The following CNTLN variants were observed in gnomAD, a reference collection of about 807,000 sequenced individuals.
CNTLN encodes the protein centlein, also known as centlein, centrosomal protein.
Under a neutral mutation model 180.0 loss-of-function variants are expected in CNTLN, and 212 were observed. That is an observed-to-expected ratio of 1.18 (90% confidence interval 1.05 to 1.32). The LOEUF (loss-of-function observed/expected upper bound fraction) is 1.32, where lower values mean the gene tolerates loss of function less well. Ranked by LOEUF, CNTLN falls within the 40% of genes most tolerant of loss-of-function variation. The pLI, the probability that CNTLN is intolerant of heterozygous loss-of-function variation, is 0.00. For synonymous variants in CNTLN, 722 were observed against 563.1 expected (o/e 1.28, Z -3.99); for missense variants, 2,095 against 1,610.9 (o/e 1.30, Z -5.14).
the CNTLN span, among the ~76,000 whole-genome samples, chr9:17,525,442 A>G: frequency 3.3e-5 from 5 of 152,310 alleles, no homozygotes; most frequent in African/African-American, 1.2e-4. Flanking sequence ...GAATATTGGC[A>G]TGATTCAGAG....
chr9:17,212,553 G>A (rs1823401719), intron 2 of CNTLN, among the ~76,000 whole-genome samples: 1 of 152,176 alleles, frequency 6.6e-6, no homozygotes, highest in Non-Finnish European at 1.5e-5. Context: ...TTGGTATCAG[G>A]ATGATGCTGG....
At chr9:17,160,915 T>C (rs1034628939) in intron 2 of CNTLN, among the ~76,000 whole-genome samples, 6 of 152,144 alleles carry the variant, frequency 3.9e-5, no homozygotes, top group African/African-American at 1.4e-4. Flanking sequence ...GAATGTCATT[T>C]GATTGTCAGA....
chr9:17,325,557 A>ACG (rs1491490213), intron 8 of CNTLN, among the ~76,000 whole-genome samples: 1 of 11,024 alleles, frequency 9.1e-5, no homozygotes. Flanking sequence ...AGATTTTATT[A>ACG]CACACACACA....
chr9:17,324,459 C>G (rs892803009), intron 8 of CNTLN, among the ~76,000 whole-genome samples: 14 of 152,108 alleles, frequency 9.2e-5, no homozygotes, highest in African/African-American at 3.4e-4. Flanking sequence ...TTAGTTTACT[C>G]TTAGGATTGG....
intron 6 of CNTLN, among the ~76,000 whole-genome samples, chr9:17,290,010 G>A (rs1276132124): frequency 3.9e-5 from 6 of 152,070 alleles, no homozygotes; most frequent in Non-Finnish European, 8.8e-5. Flanking sequence ...CTCTCAGCTC[G>A]TCAGAATCAT....
In CNTLN at chr9:17,487,017, A is replaced by T; in HGVS notation, c.4070A>T (p.Glu1357Val). Reference sequence around the variant, plus strand: ...ATTGAAAAAACAAAAATTGATGCTGAAAATGACAAGGAATGGATGTTGTAC... The same window carrying T: ...ATTGAAAAAACAAAAATTGATGCTGTAAATGACAAGGAATGGATGTTGTAC... ...VEIEKTKIDA[E>V]NDKEWMLYIQ... Residue 1357 changes from glutamate to valine, a missense_variant, in exon 25 of 26, where the codon GAA becomes GTA. Physicochemically the swap from Glu to Val is moderately radical, Grantham distance 121 (BLOSUM62 -2). Transcript: ENST00000380647. 6 of 1,580,770 alleles carry T rather than the reference A, an allele frequency of 3.8e-6. No homozygotes were observed. Among genetic ancestry groups the T allele is most frequent in the Non-Finnish European group, 5.1e-6 (6 of 1,170,480 alleles).
At chr9:17,171,910 A>G (rs1199063037) in intron 2 of CNTLN, among the ~76,000 whole-genome samples, 5 of 152,136 alleles carry the variant, frequency 3.3e-5, no homozygotes, top group African/African-American at 9.7e-5. Flanking sequence ...TAGAGTAGCC[A>G]TGGAGCCAGG....
chr9:17,178,467 T>G (rs112015688), intron 2 of CNTLN, among the ~76,000 whole-genome samples: 1 of 151,894 alleles, frequency 6.6e-6, no homozygotes. Context: ...TAGGGAGTGG[T>G]GCTGGTTAGG....
chr9:17,176,461 C>T (rs898478377), intron 2 of CNTLN, among the ~76,000 whole-genome samples: 10 of 152,084 alleles, frequency 6.6e-5, no homozygotes, highest in African/African-American at 2.4e-4. Context: ...TCGTGGAGTA[C>T]AATTATACAT....
chr9:17,495,099 C>G (rs964036188), intron 25 of CNTLN: 4 of 352,854 alleles, frequency 1.1e-5, no homozygotes, highest in Non-Finnish European at 2.2e-5. Context: ...AGGCTGGTCT[C>G]CAACTCCTGA....
At chr9:17,346,536 C>A (rs1410628702) in intron 12 of CNTLN, among the ~76,000 whole-genome samples, 1 of 152,132 alleles carries the variant, frequency 6.6e-6, no homozygotes, top group East Asian at 1.9e-4. Context: ...TTCTTCAGCA[C>A]TTGAAAAATT....
intron 5 of CNTLN, among the ~76,000 whole-genome samples, chr9:17,270,231 T>G (rs897588954): frequency 2.6e-5 from 4 of 152,152 alleles, no homozygotes; most frequent in Non-Finnish European, 4.4e-5. Flanking sequence ...TCACCATTAA[T>G]TATGATATTT....
chr9:17,358,748 A>T (rs146473389), intron 12 of CNTLN, among the ~76,000 whole-genome samples: 2 of 152,176 alleles, frequency 1.3e-5, no homozygotes, highest in African/African-American at 4.8e-5. Flanking sequence ...GTATATGAGC[A>T]CATATACAAG....
chr9:17,459,689 C>A (rs768133309), intron 19 of CNTLN, among the ~76,000 whole-genome samples: 1 of 151,692 alleles, frequency 6.6e-6, no homozygotes, highest in Non-Finnish European at 1.5e-5. Context: ...GTTTTCATTT[C>A]TTTTGAGGCC....
chr9:17,509,086 C>T, the CNTLN span, among the ~76,000 whole-genome samples: 1 of 152,206 alleles, frequency 6.6e-6, no homozygotes, highest in East Asian at 1.9e-4. Context: ...CCTGTCTTTG[C>T]CCAGTGGGCT....
intron 2 of CNTLN, among the ~76,000 whole-genome samples, chr9:17,198,663 C>T (rs950994867): frequency 6.6e-6 from 1 of 150,378 alleles, no homozygotes; most frequent in East Asian, 2.0e-4. Flanking sequence ...CATAGGTATA[C>T]ATGTCTCCCT....
intron 2 of CNTLN, among the ~76,000 whole-genome samples, chr9:17,210,629 C>G (rs1465455970): frequency 6.6e-6 from 1 of 152,180 alleles, no homozygotes; most frequent in East Asian, 1.9e-4. Context: ...CTTGAGGAAT[C>G]ACCACACTGT....
intron 3 of CNTLN, among the ~76,000 whole-genome samples, chr9:17,227,367 T>C (rs1372339701): frequency 6.6e-6 from 1 of 152,022 alleles, no homozygotes; most frequent in Non-Finnish European, 1.5e-5. Context: ...AATCAGTATG[T>C]AATCACTGCA....
At chr9:17,342,244 T>G in intron 11 of CNTLN, 81 bp from the exon 12 acceptor site, 1 of 1,398,658 alleles carries the variant, frequency 7.1e-7, no homozygotes, top group Non-Finnish European at 9.8e-7. Flanking sequence ...TAGATATTTT[T>G]AAATTTTAAG....
Sources: allele counts gnomAD v4.1 joint callset (sites outside exome capture counted in the v4.1 genomes callset), GRCh38; gene constraint gnomAD v4.1.1; transcripts MANE v1.5; gene names NCBI Gene and HGNC (gene_info 2026-07-23, HGNC 2026-07-21).